Variants in CAP2 observed in about 807,000 individuals in gnomAD.
The protein encoded by CAP2 is cyclase associated actin cytoskeleton regulatory protein 2.
CAP2 carries 24 observed loss-of-function variants against 57.7 expected under a neutral mutation model. That is an observed-to-expected ratio of 0.42 (90% confidence interval 0.30 to 0.58). The LOEUF (loss-of-function observed/expected upper bound fraction) is 0.58. Among genes scored for constraint, CAP2 ranks in the 20% least tolerant of loss-of-function variants. The pLI is 0.22. For missense variants in CAP2, 501 were observed against 590.3 expected (o/e 0.85, Z 1.57); for synonymous variants, 194 against 207.2 (o/e 0.94, Z 0.55).
chr6:17,406,083 G>A (rs1444564193), intron 1 of CAP2, among the ~76,000 whole-genome samples: 1 of 151,912 alleles, frequency 6.6e-6, no homozygotes, highest in Non-Finnish European at 1.5e-5. Context: ...AAGCCTTTGG[G>A]ACCGTCCCAC....
chr6:17,538,090 T>C (rs867348355), intron 7 of CAP2, among the ~76,000 whole-genome samples: 2 of 151,814 alleles, frequency 1.3e-5, no homozygotes, highest in Admixed American at 1.3e-4. Flanking sequence ...AGTAAAACAG[T>C]ATATAGGCCA....
chr6:17,449,065 G>A (rs908345597), intron 3 of CAP2, among the ~76,000 whole-genome samples: 3 of 152,212 alleles, frequency 2.0e-5, no homozygotes, highest in South Asian at 2.1e-4. Flanking sequence ...CCCGGCCTAC[G>A]TCATCATTTT....
intron 3 of CAP2, among the ~76,000 whole-genome samples, chr6:17,435,803 G>A (rs112815480): frequency 1.1e-4 from 17 of 148,988 alleles, no homozygotes; most frequent in African/African-American, 3.5e-4. Context: ...TGTTTTTTAC[G>A]GCTTCAAAAT....
chr6:17,443,372 C>T (rs1347721411), intron 3 of CAP2, among the ~76,000 whole-genome samples: 1 of 152,154 alleles, frequency 6.6e-6, no homozygotes, highest in Non-Finnish European at 1.5e-5. Flanking sequence ...GCCTCTTTTC[C>T]CTACTTGCCG....
At chr6:17,427,021 G>A (rs1045976791) in intron 3 of CAP2, among the ~76,000 whole-genome samples, 2 of 152,138 alleles carry the variant, frequency 1.3e-5, no homozygotes, top group African/African-American at 4.8e-5. Context: ...TTTTAAGTAC[G>A]AAAAGAATAA....
chr6:17,506,052 A>C (rs960660683), intron 4 of CAP2, among the ~76,000 whole-genome samples: 2 of 152,036 alleles, frequency 1.3e-5, no homozygotes, highest in African/African-American at 4.8e-5. Context: ...ACACCACCAC[A>C]GCCACTTCAT....
At chr6:17,506,938 A>G (rs1160105598) in intron 4 of CAP2, among the ~76,000 whole-genome samples, 3 of 152,240 alleles carry the variant, frequency 2.0e-5, no homozygotes, top group Admixed American at 1.3e-4. Flanking sequence ...CTCAAGCCAC[A>G]GCATTAATAA....
intron 1 of CAP2, among the ~76,000 whole-genome samples, chr6:17,397,863 A>G (rs527681668): frequency 6.6e-6 from 1 of 151,044 alleles, no homozygotes; most frequent in Non-Finnish European, 1.5e-5. Flanking sequence ...CTTTTTTTCC[A>G]TGTGTCTTGG....
At chr6:17,542,642 G>T (rs1403272958) in intron 9 of CAP2, among the ~76,000 whole-genome samples, 195 bp from the exon 10 acceptor site, 1 of 152,180 alleles carries the variant, frequency 6.6e-6, no homozygotes, top group Non-Finnish European at 1.5e-5. Context: ...ATACTGACTT[G>T]CTTCCAAGAA....
chr6:17,396,095 C>T (rs1166588531), intron 1 of CAP2, among the ~76,000 whole-genome samples: 4 of 152,082 alleles, frequency 2.6e-5, no homozygotes, highest in Non-Finnish European at 5.9e-5. Flanking sequence ...ATCAAAACCA[C>T]GATGGGATAC....
At chr6:17,450,054 C>A (rs184125870) in intron 3 of CAP2, among the ~76,000 whole-genome samples, 12 of 151,708 alleles carry the variant, frequency 7.9e-5, no homozygotes, top group Admixed American at 7.2e-4. Flanking sequence ...ATCAGTTCTA[C>A]CTTTTTTTTT....
chr6:17,552,210 C>T (rs1763186135), intron 12 of CAP2, among the ~76,000 whole-genome samples: 1 of 152,200 alleles, frequency 6.6e-6, no homozygotes, highest in Admixed American at 6.5e-5. Context: ...TTTATTTTCT[C>T]AGCTTTCTCT....
At chr6:17,433,719 C>A (rs1195444704) in intron 3 of CAP2, among the ~76,000 whole-genome samples, 1 of 152,192 alleles carries the variant, frequency 6.6e-6, no homozygotes, top group Non-Finnish European at 1.5e-5. Flanking sequence ...CCTCTGTTAC[C>A]GTGTCTTCCC....
At chr6:17,499,494 G>A (rs1761748187) in intron 4 of CAP2, among the ~76,000 whole-genome samples, 1 of 151,580 alleles carries the variant, frequency 6.6e-6, no homozygotes, top group African/African-American at 2.4e-5. Flanking sequence ...CCAAAGCAAT[G>A]CATCCTCTGA....
chr6:17,450,063 T>C (rs1441305877), intron 3 of CAP2, among the ~76,000 whole-genome samples: 1 of 152,094 alleles, frequency 6.6e-6, no homozygotes, highest in African/African-American at 2.4e-5. Context: ...ACCTTTTTTT[T>C]TTTTTTAAGA....
chr6:17,488,718 C>T (rs1157489072), intron 4 of CAP2, among the ~76,000 whole-genome samples: 1 of 152,192 alleles, frequency 6.6e-6, no homozygotes, highest in Non-Finnish European at 1.5e-5. Context: ...GCCATAGTTT[C>T]AATCACATCA....
chr6:17,438,833 C>A lies in CAP2; in HGVS notation c.222+12143C>A, dbSNP rs1000754751. Reference sequence around the variant, plus strand: ...GTTGTCATTTAAAAGGCTTTTTCTGCCGGGCGCGGTGGCTCACGCCTATAA... The same window carrying A: ...GTTGTCATTTAAAAGGCTTTTTCTGACGGGCGCGGTGGCTCACGCCTATAA... On this transcript the variant is annotated intron_variant, in intron 3 of 12. Coordinates refer to ENST00000229922, the MANE Select transcript of CAP2 (RefSeq NM_006366.3). Among the ~76,000 whole-genome samples, 24 of 149,258 alleles carry A rather than the reference C, an allele frequency of 1.6e-4. No individual in the cohort carries two copies. The Middle Eastern group carries it at 0.01, about 63-fold the overall frequency.
intron 12 of CAP2, among the ~76,000 whole-genome samples, chr6:17,552,873 C>T (rs184133398): frequency 2.6e-5 from 4 of 152,220 alleles, no homozygotes; most frequent in African/African-American, 7.2e-5. Context: ...GCAGTAAGTT[C>T]GTCAGCTCTG....
At chr6:17,407,299 C>G (rs1759003773) in intron 1 of CAP2, among the ~76,000 whole-genome samples, 2 of 152,078 alleles carry the variant, frequency 1.3e-5, no homozygotes, top group South Asian at 4.1e-4. Flanking sequence ...TGAGTTGAAA[C>G]CCCTGATTGA....
Sources: allele counts gnomAD v4.1 joint callset (sites outside exome capture counted in the v4.1 genomes callset), GRCh38; gene constraint gnomAD v4.1.1; transcripts MANE v1.5; gene names NCBI Gene and HGNC (gene_info 2026-07-23, HGNC 2026-07-21).